The following RACGAP1 variants were observed in gnomAD, a reference collection of about 807,000 sequenced individuals.
The protein encoded by RACGAP1 is rac GTPase-activating protein 1.
RACGAP1 carries 30 observed loss-of-function variants against 78.1 expected under a neutral mutation model. The ratio of observed to expected loss-of-function variants is 0.38; its 90% confidence interval spans 0.29 to 0.52. The LOEUF is 0.52. Ranked by LOEUF, RACGAP1 falls within the 20% of genes least tolerant of loss-of-function variation. The pLI is 0.82. For synonymous variants in RACGAP1, 231 were observed against 264.8 expected (o/e 0.87, Z 1.24); for missense variants, 587 against 777.1 (o/e 0.76, Z 2.91).
chr12:50,012,294 C>G (rs995613882), intron 2 of RACGAP1, among the ~76,000 whole-genome samples: 4 of 151,968 alleles, frequency 2.6e-5, no homozygotes, highest in African/African-American at 9.7e-5. Context: ...GGCGCGGTGG[C>G]TCACGCCTGT....
chr12:49,998,929 T>C (rs1203692381), intron 9 of RACGAP1, among the ~76,000 whole-genome samples: 1 of 151,964 alleles, frequency 6.6e-6, no homozygotes, highest in Non-Finnish European at 1.5e-5. Context: ...TAACAATTGC[T>C]TCAGAAAAGT....
intron 2 of RACGAP1, among the ~76,000 whole-genome samples, chr12:50,031,524 T>C (rs906565373): frequency 1.1e-4 from 14 of 133,018 alleles, no homozygotes; most frequent in African/African-American, 3.5e-4. Flanking sequence ...TACAAGGCCC[T>C]CCTAGGCTGC....
rs2137193104 is a variant in RACGAP1 at position 49,989,786 on chromosome 12, G to A, written c.*482C>T. 2 of 154,194 alleles carry A rather than the reference G, an allele frequency of 1.3e-5. No homozygotes were observed. The highest frequency in any genetic ancestry group is 1.3e-4 in the Admixed American group (2 of 15,654). 9.6% of individuals were successfully genotyped at this position (154,194 alleles called of 1,614,324 possible). ...AATGAGAACTTCTGGTTCTTAGAAG[G>A]AGGCATCCTAAATCCTCTGGTCTAA... On this transcript the variant is annotated 3_prime_UTR_variant, in exon 17 of 17. Coordinates refer to ENST00000312377, the MANE Select transcript of RACGAP1 (RefSeq NM_001319999.2).
intron 2 of RACGAP1, among the ~76,000 whole-genome samples, chr12:50,008,480 T>G (rs1369093962): frequency 6.6e-6 from 1 of 151,596 alleles, no homozygotes; most frequent in Non-Finnish European, 1.5e-5. Context: ...ATTACAGGTG[T>G]TAGCCACTGT....
At chr12:50,014,639 T>C (rs1949545499) in intron 2 of RACGAP1, among the ~76,000 whole-genome samples, 3 of 152,270 alleles carry the variant, frequency 2.0e-5, no homozygotes, top group Admixed American at 2.0e-4. Context: ...CTCAGCTTAC[T>C]GCAACCTCTG....
rs1465579525 is a variant in RACGAP1 at position 49,994,438 on chromosome 12, C to G, written c.1116G>C (p.Glu372Asp). 5 of 1,613,966 alleles carry G rather than the reference C, an allele frequency of 3.1e-6. No individual in the cohort carries two copies. Among genetic ancestry groups the G allele is most frequent in the Non-Finnish European group, 4.2e-6 (5 of 1,180,014 alleles). ...IPSIVVHCVN[E>D]IEQRGLTETG... ...CCTCAGTCAGACCTCTTTGCTCAAT[C>G]TCATTTACACAATGCACAACAATGG... Residue 372 changes from glutamate (E) to aspartate (D), a missense_variant, in exon 11 of 17, where the codon GAG becomes GAC. Transcript: ENST00000312377.
At chr12:50,015,680 T>C (rs886654322) in intron 2 of RACGAP1, among the ~76,000 whole-genome samples, 1 of 151,784 alleles carries the variant, frequency 6.6e-6, no homozygotes, top group African/African-American at 2.4e-5. Context: ...CGGGCGCCTG[T>C]AGTCCCAGCT....
At chr12:50,008,784 T>C (rs598144) in intron 2 of RACGAP1, among the ~76,000 whole-genome samples, 143,878 of 152,168 alleles carry the variant, frequency 0.95, 68,466 homozygotes, top group South Asian at 1. Flanking sequence ...TAAGCCACCA[T>C]GCCCGGCCGA....
chr12:50,012,338 T>C (rs1292363910), intron 2 of RACGAP1, among the ~76,000 whole-genome samples: 1 of 150,420 alleles, frequency 6.6e-6, no homozygotes, highest in Non-Finnish European at 1.5e-5. Flanking sequence ...AGGCGGGTGG[T>C]TCACGAGGTC....
In RACGAP1 at chr12:49,999,628, G is replaced by A. The variant is rs982562302; in HGVS notation, c.736C>T (p.Arg246Ter). ...AAATTCAATGGACCTGTTTTCCTTC[G>A]GCTCCTGGTCCAATATGGCACAGTC... ...IETVPYWTRS[R>*]RKTGTLQPWN... Residue 246 changes from arginine (R) to a stop codon, truncating the protein, a stop_gained, in exon 8 of 17, where the codon CGA becomes TGA. Transcript: ENST00000312377. LOFTEE classifies it high-confidence loss of function. 1 of 1,613,684 alleles carries A rather than the reference G, an allele frequency of 6.2e-7. No individual in the cohort carries two copies. Among genetic ancestry groups the A allele is most frequent in the Non-Finnish European group, 8.5e-7 (1 of 1,179,656 alleles).
At chr12:49,995,239 G>A (rs868469125) in intron 10 of RACGAP1, among the ~76,000 whole-genome samples, 27 of 152,026 alleles carry the variant, frequency 1.8e-4, no homozygotes, top group Non-Finnish European at 3.4e-4. Flanking sequence ...TCCCAGCTAT[G>A]AGGGAGGCTG....
Position 49,989,423 on chromosome 12 carries a change from CT to C in RACGAP1, c.*844del. On this transcript the variant is annotated 3_prime_UTR_variant, in exon 17 of 17. Coordinates refer to ENST00000312377, the MANE Select transcript of RACGAP1 (RefSeq NM_001319999.2). ...AATATTGACAATCTTCCCTTATAGC[CT>C]ACTCTTTATTGTTAGTTGGGATGCC... 6.6e-6 allele frequency: 1 copy of C among 152,198 alleles called. No homozygotes were observed. The highest frequency in any genetic ancestry group is 2.1e-4 in the South Asian group (1 of 4,814). 9.4% of individuals were successfully genotyped at this position (152,198 alleles called of 1,614,324 possible).
upstream of RACGAP1, among the ~76,000 whole-genome samples, chr12:50,028,323 C>T (rs1185439351): frequency 6.6e-6 from 1 of 152,204 alleles, no homozygotes. Context: ...CCTTACACCT[C>T]AATTACTGAG....
At chr12:50,027,446 T>C (rs1319731195), upstream of RACGAP1, among the ~76,000 whole-genome samples, 1 of 152,148 alleles carries the variant, frequency 6.6e-6, no homozygotes, top group Non-Finnish European at 1.5e-5. Context: ...CTTGTGTGAA[T>C]AGGAATTTAC....
chr12:49,991,479 A>ATATATATATATATATATATATATATATT (rs1555169074), intron 15 of RACGAP1, among the ~76,000 whole-genome samples: 1 of 24,090 alleles, frequency 4.2e-5, no homozygotes, highest in Non-Finnish European at 8.4e-5. Context: ...ATATATATAT[A>ATATATATATATATATATATATATATATT]TTTTTTTTTT....
At chr12:50,019,509 T>C (rs943800051) in intron 1 of RACGAP1, among the ~76,000 whole-genome samples, 1 of 152,038 alleles carries the variant, frequency 6.6e-6, no homozygotes, top group Non-Finnish European at 1.5e-5. Flanking sequence ...TACCTCAACA[T>C]CAACGTGTAA....
At chr12:50,016,001 T>C (rs1244949110) in intron 2 of RACGAP1, among the ~76,000 whole-genome samples, 1 of 151,640 alleles carries the variant, frequency 6.6e-6, no homozygotes, top group East Asian at 1.9e-4. Context: ...ACTACTACTC[T>C]AAAGAAAAAA....
upstream of RACGAP1, among the ~76,000 whole-genome samples, chr12:50,028,753 C>CA (rs1189481866): frequency 6.6e-6 from 1 of 151,862 alleles, no homozygotes; most frequent in Non-Finnish European, 1.5e-5. Flanking sequence ...GCCTGGGTGA[C>CA]AGAGAAAGAC....
chr12:49,999,408 A>G, intron 8 of RACGAP1, 137 bp from the exon 9 acceptor site: 1 of 1,226,520 alleles, frequency 8.2e-7, no homozygotes, highest in Non-Finnish European at 1.1e-6. Context: ...ATGTAAAAAA[A>G]CAGTTTCAAG....
Sources: gnomAD v4.1 joint callset for allele counts (sites outside exome capture counted in the v4.1 genomes callset) on GRCh38, gnomAD v4.1.1 for gene constraint, MANE v1.5 for transcripts, NCBI Gene and HGNC (gene_info 2026-07-23, HGNC 2026-07-21) for gene names.